The following RGS9 variants were observed in gnomAD, a reference collection of about 807,000 sequenced individuals.
RGS9 encodes the protein regulator of G-protein signalling 9.
In RGS9, 78 loss-of-function variants were observed where a neutral mutation model predicts 102.0. That is an observed-to-expected ratio of 0.76 (90% CI 0.64 to 0.92). RGS9 has a LOEUF of 0.92. Ranked by LOEUF, RGS9 falls within the 40% of genes least tolerant of loss-of-function variation. The pLI is 0.00. For missense variants in RGS9, 833 were observed against 866.1 expected (o/e 0.96, Z 0.48); for synonymous variants, 353 against 318.6 (o/e 1.11, Z -1.15).
chr17:65,227,173 G>GCACC, intron 18 of RGS9, 102 bp from the exon 19 acceptor site: 1 of 1,536,210 alleles, frequency 6.5e-7, no homozygotes, highest in South Asian at 1.1e-5. Flanking sequence ...TTTGGCAAAT[G>GCACC]CACCTGGTAT....
chr17:65,212,017 G>T (rs1156933771), intron 17 of RGS9, among the ~76,000 whole-genome samples: 1 of 152,232 alleles, frequency 6.6e-6, no homozygotes, highest in African/African-American at 2.4e-5. Flanking sequence ...TGAGATGAGT[G>T]AGATGAGTTT....
chr17:65,220,446 G>T (rs560267077), intron 17 of RGS9, among the ~76,000 whole-genome samples: 1 of 152,128 alleles, frequency 6.6e-6, no homozygotes, highest in Non-Finnish European at 1.5e-5. Context: ...CTGAAGTAAG[G>T]GTCGTTGCTA....
At chr17:65,210,771 A>G in intron 17 of RGS9, 166 bp downstream of exon 17, 1 of 1,159,718 alleles carries the variant, frequency 8.6e-7, no homozygotes, top group Non-Finnish European at 1.2e-6. Flanking sequence ...CATCAGGTTC[A>G]TCCCATACTC....
At chr17:65,174,873 C>T (rs750304172) in intron 8 of RGS9, among the ~76,000 whole-genome samples, 6 of 151,954 alleles carry the variant, frequency 3.9e-5, no homozygotes, top group African/African-American at 7.3e-5. Context: ...TGGTGGCAGG[C>T]GAGAGAGAGC....
chr17:65,144,856 G>A (rs974831594), intron 1 of RGS9, among the ~76,000 whole-genome samples: 1 of 152,170 alleles, frequency 6.6e-6, no homozygotes, highest in African/African-American at 2.4e-5. Context: ...AGACTGAGTG[G>A]CTTAAGCAAC....
Position 65,223,975 on chromosome 17 carries a change from T to C in RGS9, c.1408-1027T>C, listed in dbSNP as rs866016084. ...TTTCTTCATGTTGGCCAGGCTGGTC[T>C]CGAACTCCTGACCTCAGGTTATCCA... On this transcript the variant is annotated intron_variant, in intron 17 of 18. Transcript: ENST00000262406. Among the ~76,000 whole-genome samples, 4 of 151,896 alleles carry C rather than the reference T, an allele frequency of 2.6e-5. No homozygotes were observed. In the South Asian group the frequency reaches 8.3e-4, roughly 32 times the overall value.
chr17:65,182,726 C>T (rs975019813), intron 9 of RGS9, among the ~76,000 whole-genome samples: 2 of 152,138 alleles, frequency 1.3e-5, no homozygotes, highest in African/African-American at 4.8e-5. Context: ...GCTCATGGGC[C>T]TCCCTGATCC....
At chr17:65,191,283 C>T (rs1478837383) in intron 11 of RGS9, among the ~76,000 whole-genome samples, 2 of 152,088 alleles carry the variant, frequency 1.3e-5, no homozygotes, top group African/African-American at 4.8e-5. Context: ...AAGGATAGTT[C>T]TTAGACCCAG....
chr17:65,140,133 C>T (rs977983311), intron 1 of RGS9, among the ~76,000 whole-genome samples: 7 of 152,166 alleles, frequency 4.6e-5, no homozygotes, highest in Non-Finnish European at 7.3e-5. Context: ...AGAGGCTAAG[C>T]GGCTTGCCAG....
chr17:65,201,053 G>A (rs1329735860), intron 13 of RGS9, among the ~76,000 whole-genome samples: 1 of 151,994 alleles, frequency 6.6e-6, no homozygotes, highest in Non-Finnish European at 1.5e-5. Flanking sequence ...AAAGAGAGGA[G>A]AGGATTTTGT....
At chr17:65,156,519 TA>T (rs934763798) in intron 2 of RGS9, among the ~76,000 whole-genome samples, 46 of 151,852 alleles carry the variant, frequency 3.0e-4, no homozygotes, top group Non-Finnish European at 5.6e-4. Context: ...ACAGCACCGA[TA>T]AAAAAAAATT....
In RGS9 at chr17:65,204,402, G is replaced by GAT. The variant is rs1183447472; in HGVS notation, c.1203+103_1203+104dup. On this transcript the variant is annotated intron_variant, in intron 15 of 18. Transcript: ENST00000262406. ...ATAGGAAAAAGAGAGAGGATACGTG[G>GAT]ATAGAGCTTTGCCGGTTGTGGCATG... The GAT allele has an allele frequency of 2.1e-6, 3 of 1,411,600 alleles. No individual in the cohort carries two copies. In the African/African-American group the frequency reaches 4.3e-5, roughly 20 times the overall value. The allele number at this position is 1,411,600 out of a possible 1,614,324, so 87.4% of individuals were successfully genotyped here.
rs1013459880 is a variant in RGS9, at chr17:65,210,797, T to C, written c.1407+192T>C. On this transcript the variant is annotated intron_variant, in intron 17 of 18. Coordinates refer to ENST00000262406, the MANE Select transcript of RGS9 (RefSeq NM_003835.4). ...TCCCATACTCCTCTAACTTTCTTCA[T>C]GGGGGACTTCCTAATACCACAGCAA... The C allele has an allele frequency of 6.4e-6, 6 of 932,712 alleles. No homozygotes were observed. The African/African-American group carries it at 1.0e-4, about 16-fold the overall frequency. The allele number at this position is 932,712 out of a possible 1,614,324, so 57.8% of individuals were successfully genotyped here.
At chr17:65,189,222 T>G (rs905246866) in intron 9 of RGS9, 64 bp from the exon 10 acceptor site, 2 of 1,349,328 alleles carry the variant, frequency 1.5e-6, no homozygotes, top group African/African-American at 2.9e-5. Flanking sequence ...ATTTTTCAAA[T>G]GGGTGTTTGA....
intron 8 of RGS9, among the ~76,000 whole-genome samples, chr17:65,174,558 CATGT>C (rs796076111): frequency 1.6e-4 from 24 of 151,634 alleles, no homozygotes; most frequent in African/African-American, 4.8e-4. Context: ...TGTAAGTGAG[CATGT>C]ATGTGAGTGT....
rs12452228 is a variant in RGS9 at position 65,158,206 on chromosome 17, G to C, written c.155-89G>C. The C allele has an allele frequency of 9.1e-5, 111 of 1,215,090 alleles. 3 individuals are homozygous for C. In the South Asian group the frequency reaches 1.3e-3, roughly 14 times the overall value. 75.3% of individuals were successfully genotyped at this position (1,215,090 alleles called of 1,614,324 possible). A position where few individuals can be genotyped will look rare whatever the true frequency, so the allele number is the denominator to read the frequency against. Reference sequence around the variant, plus strand: ...AAGAGGAATGAAATCGCAGCTGAACGGGAAGGAGACCAGTCAGGCAACAGC... The same window carrying C: ...AAGAGGAATGAAATCGCAGCTGAACCGGAAGGAGACCAGTCAGGCAACAGC... On this transcript the variant is annotated intron_variant, in intron 2 of 18. Coordinates refer to ENST00000262406, the MANE Select transcript of RGS9 (RefSeq NM_003835.4).
At position 65,193,534 on chromosome 17, in the gene RGS9, C is replaced by A; in HGVS notation, c.747-9C>A. ...GCTTCTAGGAAATCATTTTCTGTTT[C>A]CTTTTCAGGATTGTGAAATACAGTG... On this transcript the variant is annotated splice_polypyrimidine_tract_variant and intron_variant, in intron 11 of 18. Coordinates refer to ENST00000262406, the MANE Select transcript of RGS9 (RefSeq NM_003835.4). 6.3e-7 allele frequency: 1 copy of A among 1,582,408 alleles called. No homozygotes were observed. Among genetic ancestry groups the A allele is most frequent in the Non-Finnish European group, 8.7e-7 (1 of 1,151,276 alleles).
intron 17 of RGS9, among the ~76,000 whole-genome samples, chr17:65,223,752 C>CTTTT (rs528795738): frequency 1.5e-4 from 21 of 137,592 alleles, no homozygotes; most frequent in Non-Finnish European, 2.9e-4. Context: ...TCATGCCAGG[C>CTTTT]TTTTTTTTTT....
At position 65,207,935 on chromosome 17, in the gene RGS9, G is replaced by T; in HGVS notation, c.1217G>T (p.Arg406Leu). The change falls in exon 16 of 19, where the codon CGC (arginine) becomes CTC (leucine). Residue 406 changes from arginine (R) to leucine (L), a missense_variant. Arg to Leu is a moderately radical substitution (Grantham distance 102). Around this residue, in one of 3 missense-constraint regions of RGS9, gnomAD observed 185 missense variants for 248.7 expected, o/e 0.74. Transcript: ENST00000262406. Reference sequence around the variant, plus strand: ...TGTTCCCACTAGGATTCTTATGCTCGCTATTTAAAATCTCCGATCTATAAG... The same window carrying T: ...TGTTCCCACTAGGATTCTTATGCTCTCTATTTAAAATCTCCGATCTATAAG... ...YMLMKKDSYARYLKSPIYKDM... is the reference protein window; with the variant it reads ...YMLMKKDSYALYLKSPIYKDM... 3 of 1,611,562 alleles carry T rather than the reference G, an allele frequency of 1.9e-6. No individual in the cohort carries two copies. The highest frequency in any genetic ancestry group is 1.3e-5 in the African/African-American group (1 of 74,834).
Sources: allele counts gnomAD v4.1 joint callset (sites outside exome capture counted in the v4.1 genomes callset), GRCh38; gene constraint gnomAD v4.1.1; regional missense constraint gnomAD v4.1.1; transcripts MANE v1.5; gene names NCBI Gene and HGNC (gene_info 2026-07-23, HGNC 2026-07-21).